CORIN: variants seen among roughly 807,000 people sequenced by gnomAD.
The protein encoded by CORIN is atrial natriuretic peptide-converting enzyme.
A neutral mutation model predicts 125.3 loss-of-function variants in CORIN; 117 were observed. The ratio of observed to expected loss-of-function variants is 0.93; its 90% confidence interval spans 0.80 to 1.09. The LOEUF (loss-of-function observed/expected upper bound fraction) is 1.09, where lower values mean the gene tolerates loss of function less well. CORIN is among the 50% of genes least tolerant of loss of function. The pLI is 0.00. For synonymous variants in CORIN, 450 were observed against 466.4 expected, an observed-to-expected ratio of 0.96 and a Z score of 0.45; for missense variants, 1,253 against 1,306.7, an observed-to-expected ratio of 0.96 and a Z score of 0.63.
intron 21 of CORIN, among the ~76,000 whole-genome samples, chr4:47,598,052 G>T (rs1721318126): frequency 1.3e-5 from 2 of 152,054 alleles, no homozygotes; most frequent in Admixed American, 1.3e-4. Flanking sequence ...CAAAATGAAA[G>T]GTGAAAAGCA....
In CORIN at chr4:47,603,380, C is replaced by T. The variant is rs1721523433; in HGVS notation, c.2812+17G>A. ...GTGCTTATAGCAGCATGAGAATGGA[C>T]TAATACACTGGCTTACTTTTATTGC... On this transcript the variant is annotated intron_variant, in intron 20 of 21. Coordinates refer to ENST00000273857, the MANE Select transcript of CORIN (RefSeq NM_006587.4). 1 of 1,611,706 alleles carries T rather than the reference C, an allele frequency of 6.2e-7. No individual in the cohort carries two copies. Among genetic ancestry groups the T allele is most frequent in the African/African-American group, 1.3e-5 (1 of 75,038 alleles).
At chr4:47,790,195 C>A (rs1731011395) in intron 2 of CORIN, 6 of 984,916 alleles carry the variant, frequency 6.1e-6, no homozygotes, top group Non-Finnish European at 7.2e-6. Flanking sequence ...GTCTTAACTG[C>A]CATAAAGGAA....
At position 47,594,602 on chromosome 4, in the gene CORIN, C is replaced by T. The variant is rs1158075011; in HGVS notation, c.*1119G>A. 2 of 152,270 alleles carry T rather than the reference C, an allele frequency of 1.3e-5. No homozygotes were observed. The highest frequency in any genetic ancestry group is 4.8e-5 in the African/African-American group (2 of 41,574). 9.4% of individuals were successfully genotyped at this position (152,270 alleles called of 1,614,324 possible). On this transcript the variant is annotated 3_prime_UTR_variant, in exon 22 of 22. Transcript: ENST00000273857. Reference sequence around the variant, plus strand: ...TTGAGGAAAATTACAAAATGTTTTACTCCATGCAAAGTCTTACTGTGCTCT... The same window carrying T: ...TTGAGGAAAATTACAAAATGTTTTATTCCATGCAAAGTCTTACTGTGCTCT...
rs111253292 is a variant in CORIN, at chr4:47,661,743, T to G, written c.1703A>C (p.Gln568Pro). 3.3e-3 allele frequency: 5,398 copies of G among 1,613,474 alleles called. 170 individuals carry two copies. In the African/African-American group the frequency reaches 0.064, roughly 19 times the overall value. The change falls in exon 12 of 22, where the codon CAA (glutamine) becomes CCA (proline). Residue 568 changes from glutamine to proline, a missense_variant. Coordinates refer to ENST00000273857, the MANE Select transcript of CORIN (RefSeq NM_006587.4). ...ATATTCATCAGGCATCAGGCAGGTT[T>G]GATTGTCTGAATTTTCCTCTGGAAA... ...SQFPEENSDNQTCLMPDEYVE... is the reference protein window; with the variant it reads ...SQFPEENSDNPTCLMPDEYVE...
intron 19 of CORIN, among the ~76,000 whole-genome samples, chr4:47,615,786 C>A (rs1257861715): frequency 6.6e-6 from 1 of 152,160 alleles, no homozygotes; most frequent in East Asian, 1.9e-4. Context: ...TCAAATCACC[C>A]AGCTTGTGAT....
intron 5 of CORIN, among the ~76,000 whole-genome samples, chr4:47,712,670 G>A (rs901176236): frequency 4.6e-5 from 7 of 152,144 alleles, no homozygotes; most frequent in African/African-American, 1.7e-4. Context: ...AGGGATAAGA[G>A]ATAAATTACT....
At chr4:47,815,405 C>A (rs541953848) in intron 1 of CORIN, among the ~76,000 whole-genome samples, 11 of 152,136 alleles carry the variant, frequency 7.2e-5, no homozygotes, top group African/African-American at 2.4e-4. Context: ...TCTTCAGAGG[C>A]AACAGGAGAA....
chr4:47,668,756 T>C (rs1032868537), intron 10 of CORIN, among the ~76,000 whole-genome samples: 1 of 152,218 alleles, frequency 6.6e-6, no homozygotes, highest in African/African-American at 2.4e-5. Context: ...ACTTTTGATT[T>C]GGGTTAAGAC....
At chr4:47,714,330 A>G (rs1160338723) in intron 5 of CORIN, among the ~76,000 whole-genome samples, 1 of 152,246 alleles carries the variant, frequency 6.6e-6, no homozygotes, top group East Asian at 1.9e-4. Context: ...TCTGTAAGAA[A>G]AAAAATCTAC....
At chr4:47,812,611 A>G (rs895834245) in intron 1 of CORIN, among the ~76,000 whole-genome samples, 1 of 152,230 alleles carries the variant, frequency 6.6e-6, no homozygotes, top group African/African-American at 2.4e-5. Context: ...ATCATAGACT[A>G]TAGGAACCAA....
chr4:47,759,546 T>C (rs1729350348), intron 4 of CORIN, among the ~76,000 whole-genome samples: 1 of 151,792 alleles, frequency 6.6e-6, no homozygotes, highest in African/African-American at 2.4e-5. Flanking sequence ...GACAAAATGA[T>C]CAAAAAAACC....
intron 1 of CORIN, among the ~76,000 whole-genome samples, chr4:47,834,890 C>T (rs1454952857): frequency 6.6e-6 from 1 of 152,186 alleles, no homozygotes; most frequent in Non-Finnish European, 1.5e-5. Flanking sequence ...TACCAGTGGT[C>T]AGTAGTACCA....
intron 2 of CORIN, among the ~76,000 whole-genome samples, chr4:47,797,117 A>G (rs1158819235): frequency 1.3e-5 from 2 of 151,828 alleles, no homozygotes; most frequent in African/African-American, 4.8e-5. Context: ...GGTGAATAGT[A>G]TTACATTATA....
At chr4:47,830,189 C>T (rs946379801) in intron 1 of CORIN, among the ~76,000 whole-genome samples, 5 of 152,088 alleles carry the variant, frequency 3.3e-5, no homozygotes, top group African/African-American at 1.2e-4. Flanking sequence ...ACATTGGAGA[C>T]CAATGTAACT....
intron 5 of CORIN, among the ~76,000 whole-genome samples, chr4:47,741,954 TAAA>T (rs991109127): frequency 6.6e-6 from 1 of 152,004 alleles, no homozygotes; most frequent in African/African-American, 2.4e-5. Context: ...TCTAGGGTGA[TAAA>T]AACATTCTGA....
chr4:47,703,132 C>T (rs986490450), intron 5 of CORIN, among the ~76,000 whole-genome samples: 3 of 152,112 alleles, frequency 2.0e-5, no homozygotes, highest in African/African-American at 4.8e-5. Flanking sequence ...GGATAACCAG[C>T]GGTTGGATGC....
At chr4:47,834,294 C>T (rs890567154) in intron 1 of CORIN, among the ~76,000 whole-genome samples, 1 of 152,074 alleles carries the variant, frequency 6.6e-6, no homozygotes, top group Non-Finnish European at 1.5e-5. Context: ...CAAATCCTAC[C>T]ATTTCTGACA....
At chr4:47,790,628 G>A (rs1193897100) in intron 2 of CORIN, among the ~76,000 whole-genome samples, 3 of 152,094 alleles carry the variant, frequency 2.0e-5, no homozygotes, top group Admixed American at 6.5e-5. Context: ...CACTTCGAAT[G>A]GCTTTTGGCA....
Position 47,623,096 on chromosome 4 carries a change from C to CTATATATA in CORIN, c.2540+467_2540+474dup, listed in dbSNP as rs1553904935. Reference sequence around the variant, plus strand: ...TCTCTCTCTCTCTCTCTCTCTCTCTCTATATATATATATATATATATACAC... The same window carrying CTATATATA: ...TCTCTCTCTCTCTCTCTCTCTCTCTCTATATATATATATATATATATATATATATACAC... On this transcript the variant is annotated intron_variant, in intron 19 of 21. Transcript: ENST00000273857. 1.3e-3 allele frequency among the ~76,000 whole-genome samples: 134 copies of CTATATATA among 102,278 alleles called. 1 individual carries two copies. Among genetic ancestry groups the CTATATATA allele is most frequent in the South Asian group, 3.4e-3 (9 of 2,646 alleles). The allele number at this position is 102,278 out of a possible 152,430, so 67.1% of individuals were successfully genotyped here.
Sources: gnomAD v4.1 joint callset for allele counts (sites outside exome capture counted in the v4.1 genomes callset) on GRCh38, gnomAD v4.1.1 for gene constraint, MANE v1.5 for transcripts, NCBI Gene and HGNC (gene_info 2026-07-23, HGNC 2026-07-21) for gene names.